SLC18A1: variants seen among roughly 807,000 people sequenced by gnomAD.
SLC18A1 encodes the protein solute carrier family 18 member A1, also known as chromaffin granule amine transporter.
SLC18A1 carries 69 observed loss-of-function variants against 53.7 expected under a neutral mutation model. That is an observed-to-expected ratio of 1.28 (90% CI 1.06 to 1.57). The LOEUF (loss-of-function observed/expected upper bound fraction) is 1.57, where lower values mean the gene tolerates loss of function less well. Among genes scored for constraint, SLC18A1 ranks in the 40% most tolerant of loss-of-function variants. The probability of loss-of-function intolerance (pLI) is 0.00; values close to 1 mark genes in which losing one functional copy is unlikely to be tolerated. For synonymous variants in SLC18A1, 320 were observed against 248.1 expected (o/e 1.29, Z -2.72); for missense variants, 932 against 668.1 (o/e 1.40, Z -4.35).
intron 4 of SLC18A1, among the ~76,000 whole-genome samples, chr8:20,177,653 A>G (rs2072284032): frequency 6.6e-6 from 1 of 152,196 alleles, no homozygotes; most frequent in African/African-American, 2.4e-5. Flanking sequence ...AAGAAAAGAA[A>G]AGAAAAGAAA....
rs373598585 is a variant in SLC18A1, at chr8:20,145,835, A to C, written c.1506T>G (p.Tyr502Ter). The C allele has an allele frequency of 3.1e-6, 5 of 1,611,962 alleles. No individual in the cohort carries two copies. Among genetic ancestry groups the C allele is most frequent in the Non-Finnish European group, 4.2e-6 (5 of 1,179,106 alleles). ...ATTCCTTCGTGGGCTTCTGGGTTGCATACATCCGGGTCTCCATGGGGCAGT... is the reference window on the plus strand; with the variant it reads ...ATTCCTTCGTGGGCTTCTGGGTTGCCTACATCCGGGTCTCCATGGGGCAGT... ...SQDCPMETRM[Y>*]ATQKPTKEFP... Residue 502 changes from tyrosine (Y) to a stop codon, truncating the protein, a stop_gained, in exon 16 of 16, where the codon TAT (tyrosine) becomes TAG (stop). Transcript: ENST00000276373. LOFTEE classifies it high-confidence loss of function.
At chr8:20,151,837 C>A (rs2128869071) in intron 10 of SLC18A1, among the ~76,000 whole-genome samples, 1 of 152,220 alleles carries the variant, frequency 6.6e-6, no homozygotes, top group Middle Eastern at 3.4e-3. Flanking sequence ...CAAACTTTGA[C>A]CATGTGTCAG....
intron 4 of SLC18A1, among the ~76,000 whole-genome samples, chr8:20,177,613 G>C: frequency 6.6e-6 from 1 of 152,228 alleles, no homozygotes; most frequent in South Asian, 2.1e-4. Context: ...CGTTGTGCAC[G>C]TGTACCCTAG....
chr8:20,148,019 C>T lies in SLC18A1; in HGVS notation c.1198G>A (p.Gly400Ser), dbSNP rs1402899051. Residue 400 changes from glycine to serine, a missense_variant, in exon 13 of 16, where the codon GGC becomes AGC. Physicochemically the swap from Gly to Ser is moderately conservative, Grantham distance 56. Coordinates refer to ENST00000276373, the MANE Select transcript of SLC18A1 (RefSeq NM_003053.4). ...GGGCACTTCTTACCTATGGCAAGGCCAAGCCCTGCATTGGGGCCAATGAGA... is the reference window on the plus strand; with the variant it reads ...GGGCACTTCTTACCTATGGCAAGGCTAAGCCCTGCATTGGGGCCAATGAGA... ...FGLIGPNAGL[G>S]LAIGMVDSSM... The T allele has an allele frequency of 6.2e-7, 1 of 1,614,058 alleles. No homozygotes were observed. The highest frequency in any genetic ancestry group is 1.7e-5 in the Admixed American group (1 of 60,026).
intron 10 of SLC18A1, among the ~76,000 whole-genome samples, chr8:20,158,017 C>G (rs1403368976): frequency 1.3e-5 from 2 of 152,246 alleles, no homozygotes; most frequent in Non-Finnish European, 2.9e-5. Context: ...GGAAGGCCCA[C>G]TGTCCCAGGG....
At chr8:20,174,984 A>G (rs768078024) in intron 4 of SLC18A1, among the ~76,000 whole-genome samples, 1 of 152,224 alleles carries the variant, frequency 6.6e-6, no homozygotes, top group African/African-American at 2.4e-5. Context: ...TTTTAACCAG[A>G]CAAAATCAGC....
At chr8:20,167,708 C>T (rs1456641245) in intron 8 of SLC18A1, among the ~76,000 whole-genome samples, 1 of 152,038 alleles carries the variant, frequency 6.6e-6, no homozygotes, top group Admixed American at 6.6e-5. Flanking sequence ...GCAAGCTCCT[C>T]CTCCTGGGTT....
intron 8 of SLC18A1, 134 bp from the exon 9 acceptor site, chr8:20,165,241 C>T: frequency 2.6e-6 from 2 of 760,836 alleles, no homozygotes; most frequent in Admixed American, 2.4e-5. Flanking sequence ...AGACCAGGAA[C>T]CCCAGTACAG....
intron 8 of SLC18A1, among the ~76,000 whole-genome samples, chr8:20,168,515 T>C (rs188420575): frequency 3.3e-5 from 5 of 152,272 alleles, no homozygotes; most frequent in Non-Finnish European, 4.4e-5. Context: ...ACCTATTTGG[T>C]ATAAATATTT....
In SLC18A1 at chr8:20,178,991, C is replaced by T. The variant is rs562211126; in HGVS notation, c.488+130G>A. 144 of 1,129,480 alleles carry T rather than the reference C, an allele frequency of 1.3e-4. 2 individuals carry two copies. In the South Asian group the frequency reaches 1.4e-3, roughly 11 times the overall value. The allele number at this position is 1,129,480 out of a possible 1,614,324, so 70.0% of individuals were successfully genotyped here. On this transcript the variant is annotated intron_variant, in intron 3 of 15. Transcript: ENST00000276373. The stretch of plus-strand genomic sequence containing the variant: ...GTTATTCTTTGAGTAACGAGCTTTC[C>T]GAATAGCTGACTCCCCTGAGGAATC...
At chr8:20,170,834 T>C (rs2072095172) in intron 8 of SLC18A1, among the ~76,000 whole-genome samples, 1 of 100,566 alleles carries the variant, frequency 9.9e-6, no homozygotes, top group Non-Finnish European at 2.5e-5. Context: ...ATGTGTCGAA[T>C]ATATAGATAG....
chr8:20,145,976 C>T lies in SLC18A1; in HGVS notation c.1465-100G>A, dbSNP rs560032050. On this transcript the variant is annotated intron_variant, in intron 15 of 15. Transcript: ENST00000276373. The stretch of plus-strand genomic sequence containing the variant: ...TGTTGCCCAGGCTGGAGTGCAGTGG[C>T]GCAATCTCGGCTCACTGCAAGCTCC... 253 of 572,092 alleles carry T rather than the reference C, an allele frequency of 4.4e-4. 2 individuals are homozygous for T. The highest frequency in any genetic ancestry group is 6.8e-4 in the Non-Finnish European group (235 of 346,148). 35.4% of individuals were successfully genotyped at this position (572,092 alleles called of 1,614,324 possible).
chr8:20,168,203 G>C (rs1002778953), intron 8 of SLC18A1, among the ~76,000 whole-genome samples: 1 of 151,942 alleles, frequency 6.6e-6, no homozygotes, highest in African/African-American at 2.4e-5. Context: ...GGCAGACCCG[G>C]TCTCTATAAA....
At chr8:20,165,423 G>A (rs2071932471) in intron 8 of SLC18A1, among the ~76,000 whole-genome samples, 1 of 152,114 alleles carries the variant, frequency 6.6e-6, no homozygotes, top group Non-Finnish European at 1.5e-5. Flanking sequence ...CAAGGTCAGG[G>A]TTGGACAATA....
At chr8:20,164,069 T>C (rs138514918) in intron 10 of SLC18A1, among the ~76,000 whole-genome samples, 1 of 152,272 alleles carries the variant, frequency 6.6e-6, no homozygotes, top group Non-Finnish European at 1.5e-5. Flanking sequence ...TGCTTAGAAT[T>C]GCCCCCCCAA....
chr8:20,147,438 T>C, intron 14 of SLC18A1, 47 bp from the exon 15 acceptor site: 1 of 1,585,252 alleles, frequency 6.3e-7, no homozygotes, highest in Non-Finnish European at 8.6e-7. Flanking sequence ...AGCCTCCATA[T>C]GGAGCATCCT....
intron 15 of SLC18A1, among the ~76,000 whole-genome samples, chr8:20,146,106 G>A (rs925632213): frequency 1.3e-5 from 2 of 152,132 alleles, no homozygotes; most frequent in South Asian, 4.2e-4. Context: ...TAGCAGAGAC[G>A]GGGTTTCACC....
At chr8:20,180,725 T>C in intron 2 of SLC18A1, 116 bp downstream of exon 2, 1 of 1,342,042 alleles carries the variant, frequency 7.5e-7, no homozygotes, top group Non-Finnish European at 1.0e-6. Flanking sequence ...CTGTGTGTTT[T>C]TGAGCATAAA....
At chr8:20,182,989 A>G (rs1225258610) in intron 1 of SLC18A1, 74 bp downstream of exon 1, 1 of 152,252 alleles carries the variant, frequency 6.6e-6, no homozygotes, top group Non-Finnish European at 1.5e-5. Flanking sequence ...ACTTTACTTA[A>G]CAGTCAAAAT....
Sources: gnomAD v4.1 joint callset for allele counts (sites outside exome capture counted in the v4.1 genomes callset) on GRCh38, gnomAD v4.1.1 for gene constraint, MANE v1.5 for transcripts, NCBI Gene and HGNC (gene_info 2026-07-23, HGNC 2026-07-21) for gene names.